DLC1: variants seen among roughly 807,000 people sequenced by gnomAD.
The protein encoded by DLC1 is rho GTPase-activating protein 7.
A neutral mutation model predicts 140.3 loss-of-function variants in DLC1; 54 were observed. The ratio of observed to expected loss-of-function variants is 0.38; its 90% confidence interval spans 0.31 to 0.48. DLC1 has a LOEUF of 0.48. Among genes scored for constraint, DLC1 ranks in the 20% least tolerant of loss-of-function variants. The probability of loss-of-function intolerance (pLI) is 0.96; values close to 1 mark genes in which losing one functional copy is unlikely to be tolerated. For missense variants in DLC1, 2,536 were observed against 1,907.0 expected (o/e 1.33, Z -6.14); for synonymous variants, 986 against 728.1 (o/e 1.35, Z -5.70).
At chr8:13,258,933 C>T (rs1001193139) in intron 5 of DLC1, among the ~76,000 whole-genome samples, 3 of 151,740 alleles carry the variant, frequency 2.0e-5, no homozygotes, top group African/African-American at 4.8e-5. Flanking sequence ...GTCAGGAGAT[C>T]GAGACCATCC....
At chr8:13,505,377 G>A (rs1802011377) in intron 1 of DLC1, among the ~76,000 whole-genome samples, 1 of 152,062 alleles carries the variant, frequency 6.6e-6, no homozygotes, top group Non-Finnish European at 1.5e-5. Context: ...CAATCATATT[G>A]TTTAGAAATA....
At position 13,091,354 on chromosome 8, in the gene DLC1, C is replaced by T. The variant is rs568796296; in HGVS notation, c.3819G>A (p.Leu1273=). 2.8e-5 allele frequency: 45 copies of T among 1,614,166 alleles called. No individual in the cohort carries two copies. Among genetic ancestry groups the T allele is most frequent in the African/African-American group, 4.0e-5 (3 of 75,048 alleles). Residue 1273 remains leucine (L), a synonymous_variant, in exon 14 of 18, where the codon CTG becomes CTA. Transcript: ENST00000276297. The part of the protein sequence containing the change: ...LNENLAATQG[L]AHMIAECKKL... ...TCTTGCACTCGGCGATCATATGGGCCAGCCCTTGAGTGGCAGCTAGGTTTT... is the reference window on the plus strand; with the variant it reads ...TCTTGCACTCGGCGATCATATGGGCTAGCCCTTGAGTGGCAGCTAGGTTTT...
At chr8:13,200,541 T>C (rs1384116298) in intron 5 of DLC1, among the ~76,000 whole-genome samples, 1 of 152,170 alleles carries the variant, frequency 6.6e-6, no homozygotes, top group African/African-American at 2.4e-5. Flanking sequence ...CTTTCCTAAA[T>C]AGAACTTTGT....
At chr8:13,563,113 A>G (rs141838045) in intron 1 of DLC1, among the ~76,000 whole-genome samples, 3 of 152,246 alleles carry the variant, frequency 2.0e-5, no homozygotes, top group African/African-American at 4.8e-5. Context: ...GCTCCTTTTT[A>G]CTTTTTCATT....
intron 1 of DLC1, among the ~76,000 whole-genome samples, chr8:13,547,900 T>TC (rs59612584): frequency 1 from 152,139 of 152,142 alleles, 76,068 homozygotes; most frequent in Middle Eastern, 1. Flanking sequence ...AATCTCTCTT[T>TC]TTTCTTGTCT....
intron 2 of DLC1, among the ~76,000 whole-genome samples, chr8:13,475,727 C>T (rs1380788249): frequency 2.0e-5 from 3 of 152,124 alleles, no homozygotes; most frequent in Non-Finnish European, 2.9e-5. Flanking sequence ...GAAGAACATA[C>T]TAAGGACTGA....
chr8:13,092,109 G>A (rs1312035460), intron 13 of DLC1, among the ~76,000 whole-genome samples: 1 of 152,156 alleles, frequency 6.6e-6, no homozygotes, highest in East Asian at 1.9e-4. Context: ...GCTGGGCGTG[G>A]TGGCAGGCAC....
Position 13,099,535 on chromosome 8 carries a change from G to A in DLC1, c.2802C>T (p.Asp934=), listed in dbSNP as rs144875903. 9.9e-6 allele frequency: 16 copies of A among 1,614,090 alleles called. No homozygotes were observed. The African/African-American group carries it at 1.5e-4, about 15-fold the overall frequency. The stretch of plus-strand genomic sequence containing the variant: ...AGGGAGAGACCGAGTCCAGGGCTGA[G>A]TCCGAATCTCCCTCATCAGAAAACT... ...SEKFSDEGDS[D]SALDSVSPCP... is the part of the protein sequence containing the mutation. Residue 934 remains aspartate, a synonymous_variant, in exon 9 of 18, where the codon GAC becomes GAT. Transcript: ENST00000276297.
intron 5 of DLC1, among the ~76,000 whole-genome samples, chr8:13,157,303 G>A (rs529828445): frequency 6.6e-6 from 1 of 152,272 alleles, no homozygotes; most frequent in South Asian, 2.1e-4. Context: ...AATTTGAGTA[G>A]GCGGGGTTAG....
At chr8:13,140,815 A>G (rs1328487562) in intron 5 of DLC1, among the ~76,000 whole-genome samples, 1 of 152,212 alleles carries the variant, frequency 6.6e-6, no homozygotes, top group Admixed American at 6.5e-5. Flanking sequence ...TTTAATTTAC[A>G]AAACAGGTCA....
chr8:13,180,831 A>T (rs1369255027), intron 5 of DLC1, among the ~76,000 whole-genome samples: 1 of 152,234 alleles, frequency 6.6e-6, no homozygotes, highest in Admixed American at 6.5e-5. Context: ...TTGAAAATAG[A>T]GAGTTGTCTC....
chr8:13,552,093 A>T (rs1395121892), intron 1 of DLC1, among the ~76,000 whole-genome samples: 2 of 124,336 alleles, frequency 1.6e-5, no homozygotes, highest in Non-Finnish European at 3.3e-5. Flanking sequence ...ATATATATGT[A>T]TGTACCTGTC....
intron 1 of DLC1, among the ~76,000 whole-genome samples, chr8:13,603,503 A>G (rs1353174662): frequency 2.0e-5 from 3 of 151,938 alleles, no homozygotes; most frequent in African/African-American, 7.2e-5. Context: ...ATTTTGTGCC[A>G]ATATTACCTT....
At chr8:13,533,070 C>T (rs1803154524) in intron 1 of DLC1, among the ~76,000 whole-genome samples, 1 of 152,210 alleles carries the variant, frequency 6.6e-6, no homozygotes, top group East Asian at 1.9e-4. Context: ...AGTTGAAACG[C>T]TATGTGTCAT....
chr8:13,353,792 G>T (rs924460929), intron 4 of DLC1, among the ~76,000 whole-genome samples: 4 of 152,032 alleles, frequency 2.6e-5, no homozygotes, highest in South Asian at 4.1e-4. Flanking sequence ...GGGAGGCAGA[G>T]GTTGCAGTGA....
At chr8:13,100,857 C>T (rs1266115499) in intron 8 of DLC1, 87 bp from the exon 9 acceptor site, 3 of 1,375,556 alleles carry the variant, frequency 2.2e-6, no homozygotes, top group East Asian at 2.5e-5. Context: ...TCATAATATG[C>T]CAGTAGTATC....
At chr8:13,182,006 C>T (rs1427989756) in intron 5 of DLC1, among the ~76,000 whole-genome samples, 5 of 152,104 alleles carry the variant, frequency 3.3e-5, no homozygotes, top group Admixed American at 6.5e-5. Context: ...CTGTTGTTTC[C>T]TGACTTTTTA....
At chr8:13,334,336 G>T (rs1193133617) in intron 4 of DLC1, among the ~76,000 whole-genome samples, 1 of 152,072 alleles carries the variant, frequency 6.6e-6, no homozygotes, top group Non-Finnish European at 1.5e-5. Context: ...GAGAAGAGAG[G>T]GACAAGAGGT....
intron 2 of DLC1, among the ~76,000 whole-genome samples, chr8:13,478,219 A>C (rs1255182181): frequency 1.3e-5 from 2 of 152,018 alleles, no homozygotes; most frequent in Non-Finnish European, 2.9e-5. Flanking sequence ...AAGGGGGAGC[A>C]GGCACATCAC....
Sources: gnomAD v4.1 joint callset for allele counts (sites outside exome capture counted in the v4.1 genomes callset) on GRCh38, gnomAD v4.1.1 for gene constraint, MANE v1.5 for transcripts, NCBI Gene and HGNC (gene_info 2026-07-23, HGNC 2026-07-21) for gene names.